Variants in CELSR1 observed in about 807,000 individuals in gnomAD.
CELSR1 encodes adhesion G protein-coupled receptor C1.
CELSR1 carries 110 observed loss-of-function variants against 249.1 expected under a neutral mutation model. That is an observed-to-expected ratio of 0.44 (90% CI 0.38 to 0.52). The LOEUF (loss-of-function observed/expected upper bound fraction) is 0.52, where lower values mean the gene tolerates loss of function less well. Among genes scored for constraint, CELSR1 ranks in the 20% least tolerant of loss-of-function variants. CELSR1 has a pLI of 0.00. For synonymous variants in CELSR1, 2,113 were observed against 1,900.0 expected, an observed-to-expected ratio of 1.11 and a Z score of -2.92; for missense variants, 4,109 against 4,296.4, an observed-to-expected ratio of 0.96 and a Z score of 1.22.
intron 1 of CELSR1, among the ~76,000 whole-genome samples, chr22:46,496,144 A>G (rs2080411223): frequency 6.6e-6 from 1 of 151,980 alleles, no homozygotes. Context: ...CAGTGAGCCA[A>G]GATGGCACCA....
chr22:46,463,652 C>T lies in CELSR1; in HGVS notation c.4183+55G>A, dbSNP rs552505840. On this transcript the variant is annotated intron_variant, in intron 2 of 34. Transcript: ENST00000674500. ...AACAGAGGAAACCACCTGAGACCCT[C>T]GGCCATGTGACCTGGGGACATGTAC... 4,547 of 1,449,384 alleles carry T rather than the reference C, an allele frequency of 3.1e-3. 13 individuals carry two copies. The highest frequency in any genetic ancestry group is 3.3e-3 in the Non-Finnish European group (3,589 of 1,099,806). The allele number at this position is 1,449,384 out of a possible 1,614,324, so 89.8% of individuals were successfully genotyped here. A position where few individuals can be genotyped will look rare whatever the true frequency, so the allele number is the denominator to read the frequency against.
intron 1 of CELSR1, among the ~76,000 whole-genome samples, chr22:46,532,380 T>C (rs936131237): frequency 6.6e-6 from 1 of 152,236 alleles, no homozygotes; most frequent in Non-Finnish European, 1.5e-5. Context: ...ACAAATAGAC[T>C]GTACTGCCAA....
At chr22:46,504,675 T>G (rs985755016) in intron 1 of CELSR1, among the ~76,000 whole-genome samples, 3 of 152,154 alleles carry the variant, frequency 2.0e-5, no homozygotes, top group Non-Finnish European at 2.9e-5. Context: ...ATATGGCAGA[T>G]TTCATCTTCA....
chr22:46,479,133 C>A (rs9627473), intron 1 of CELSR1, among the ~76,000 whole-genome samples: 4,424 of 151,738 alleles, frequency 0.029, 202 homozygotes, highest in African/African-American at 0.1. Context: ...CTTCTCCTTG[C>A]CCGGAGTCTC....
intron 5 of CELSR1, among the ~76,000 whole-genome samples, chr22:46,419,081 A>G (rs1361301898): frequency 7.9e-5 from 12 of 152,020 alleles, no homozygotes; most frequent in Non-Finnish European, 2.9e-5. Flanking sequence ...ACTGAGCCAG[A>G]CCCTGGACCA....
In CELSR1 at chr22:46,440,869, C is replaced by T. The variant is rs1258991572; in HGVS notation, c.4184-1458G>A. Among the ~76,000 whole-genome samples the T allele has an allele frequency of 6.6e-6, 1 of 152,130 alleles. No individual in the cohort carries two copies. Among genetic ancestry groups the T allele is most frequent in the Non-Finnish European group, 1.5e-5 (1 of 68,038 alleles). On this transcript the variant is annotated intron_variant, in intron 2 of 34. Transcript: ENST00000674500. The surrounding 1 kb of genome is among the most constrained non-coding windows in gnomAD (Gnocchi z 4.7). The stretch of plus-strand genomic sequence containing the variant: ...ATCTTGGGTTGTTAAAAGACTGCCA[C>T]AGGCCAGACGCAATGGCTCACACCT...
At position 46,397,707 on chromosome 22, in the gene CELSR1, C is replaced by T. The variant is rs371696308; in HGVS notation, c.5668G>A (p.Ala1890Thr). The T allele has an allele frequency of 2.7e-5, 43 of 1,569,886 alleles. No individual in the cohort carries two copies. In the Middle Eastern group the frequency reaches 5.1e-4, roughly 18 times the overall value. Residue 1890 changes from alanine (A) to threonine (T), a missense_variant, in exon 12 of 35, where the codon GCC becomes ACC. Ala to Thr is a moderately conservative substitution (Grantham distance 58). This residue lies in a region of CELSR1 where 1,805 missense variants were observed against 1,831.6 expected (regional missense o/e 0.99). Transcript: ENST00000674500. Reference sequence around the variant, plus strand: ...CAGACGCAGCTGTAGTCCTCCCAGGCGTCGTGGCAGCGGCTATTGGGGGGA... The same window carrying T: ...CAGACGCAGCTGTAGTCCTCCCAGGTGTCGTGGCAGCGGCTATTGGGGGGA... ...PCPPNSRCHD[A>T]WEDYSCVCDK...
intron 1 of CELSR1, among the ~76,000 whole-genome samples, chr22:46,509,196 G>A (rs1325268402): frequency 6.6e-6 from 1 of 152,158 alleles, no homozygotes; most frequent in Non-Finnish European, 1.5e-5. Context: ...CCCCAAGATG[G>A]CCAGGTTCAC....
chr22:46,496,052 G>C (rs976065924), intron 1 of CELSR1, among the ~76,000 whole-genome samples: 1 of 151,178 alleles, frequency 6.6e-6, no homozygotes, highest in East Asian at 2.0e-4. Context: ...AAATTAGCTG[G>C]ACATGGTGGT....
In CELSR1 at chr22:46,413,392, T is replaced by C. The variant is rs1308143801; in HGVS notation, c.4612-1633A>G. Among the ~76,000 whole-genome samples, 1 of 152,200 alleles carries C rather than the reference T, an allele frequency of 6.6e-6. No homozygotes were observed. Among genetic ancestry groups the C allele is most frequent in the Non-Finnish European group, 1.5e-5 (1 of 68,028 alleles). ...GCAGTGGGCAGCCTGCACAACTGTA[T>C]GTGGCCACCCCAGCTGAGGCTTCTC... On this transcript the variant is annotated intron_variant, in intron 5 of 34. Coordinates refer to ENST00000674500, the MANE Select transcript of CELSR1 (RefSeq NM_001378328.1). The surrounding 1 kb of genome is among the most constrained non-coding windows in gnomAD (Gnocchi z 4.7).
chr22:46,382,771 T>C (rs2078992948), intron 20 of CELSR1, among the ~76,000 whole-genome samples: 1 of 152,140 alleles, frequency 6.6e-6, no homozygotes, highest in African/African-American at 2.4e-5. Flanking sequence ...CTAGCGGACA[T>C]TAGGCTCGGT....
chr22:46,498,041 G>C (rs1359846295), intron 1 of CELSR1, among the ~76,000 whole-genome samples: 2 of 151,596 alleles, frequency 1.3e-5, no homozygotes, highest in African/African-American at 2.4e-5. Context: ...CTGAGGTCGG[G>C]AGTTGGAGAC....
At position 46,391,325 on chromosome 22, in the gene CELSR1, C is replaced by T. The variant is rs368094781; in HGVS notation, c.6149-38G>A. 2.1e-4 allele frequency: 337 copies of T among 1,572,782 alleles called. 1 individual carries two copies. The highest frequency in any genetic ancestry group is 3.3e-4 in the Middle Eastern group (2 of 5,996). ...AGAGAGAAGTCTGCTCAGCGGGGCA[C>T]GCCACACCCACGACCACAAACAGGC... On this transcript the variant is annotated intron_variant, in intron 15 of 34. Transcript: ENST00000674500. The surrounding 1 kb of genome is among the most constrained non-coding windows in gnomAD (Gnocchi z 4.3).
In CELSR1 at chr22:46,412,797, A is replaced by G. The variant is rs776055470; in HGVS notation, c.4612-1038T>C. Reference sequence around the variant, plus strand: ...GTGGGTCTCAAAGTTCCAGAAACACAGTTGGTGCCAGCTCCAACCGGGACA... The same window carrying G: ...GTGGGTCTCAAAGTTCCAGAAACACGGTTGGTGCCAGCTCCAACCGGGACA... On this transcript the variant is annotated intron_variant, in intron 5 of 34. Transcript: ENST00000674500. The surrounding 1 kb of genome is among the most constrained non-coding windows in gnomAD (Gnocchi z 4.5). Among the ~76,000 whole-genome samples the G allele has an allele frequency of 6.6e-6, 1 of 152,200 alleles. No homozygotes were observed. The highest frequency in any genetic ancestry group is 2.4e-5 in the African/African-American group (1 of 41,440).
Position 46,534,284 on chromosome 22 carries a change from C to G in CELSR1, c.2887G>C (p.Val963Leu). Residue 963 changes from valine to leucine, a missense_variant, in exon 1 of 35, where the codon GTG (valine) becomes CTG (leucine). Coordinates refer to ENST00000674500, the MANE Select transcript of CELSR1 (RefSeq NM_001378328.1). The surrounding 1 kb of genome is among the most constrained non-coding windows in gnomAD (Gnocchi z 9.7). ...ACAGCCAGAGCCCAAAGGTTGTACA[C>G]GGCCACATTCTCCCGGTCCAGCCGG... ...QRRLDRENVA[V>L]YNLWALAVDR... 3 of 1,613,270 alleles carry G rather than the reference C, an allele frequency of 1.9e-6. No homozygotes were observed. Among genetic ancestry groups the G allele is most frequent in the East Asian group, 4.5e-5 (2 of 44,878 alleles).
intron 2 of CELSR1, among the ~76,000 whole-genome samples, chr22:46,456,356 T>G (rs544097466): frequency 2.2e-4 from 34 of 152,126 alleles, no homozygotes; most frequent in African/African-American, 7.2e-4. Flanking sequence ...AGCCCATGAC[T>G]CTGATAAGAG....
At chr22:46,456,851 C>T (rs1402704968) in intron 2 of CELSR1, among the ~76,000 whole-genome samples, 1 of 145,446 alleles carries the variant, frequency 6.9e-6, no homozygotes, top group African/African-American at 2.6e-5. Flanking sequence ...TTGTCCTTGG[C>T]CCCAGGAGGC....
rs1464422328 is a variant in CELSR1, at chr22:46,534,945, G to A, written c.2226C>T (p.Gly742=). 1 of 1,612,360 alleles carries A rather than the reference G, an allele frequency of 6.2e-7. No individual in the cohort carries two copies. Among genetic ancestry groups the A allele is most frequent in the Admixed American group, 1.7e-5 (1 of 60,026 alleles). The part of the protein sequence containing the change: ...RFALSSQRGG[G]LITLALPLDY... ...CCAGAGGTAGCGCCAGGGTGATGAG[G>A]CCGCCCCCTCTCTGGCTGCTGAGTG... Residue 742 remains glycine, a synonymous_variant, in exon 1 of 35, where the codon GGC becomes GGT. Transcript: ENST00000674500. This position sits in a 1 kb window ranked among gnomAD's most constrained non-coding sequence, Gnocchi z 9.7.
rs2147498381 is a variant in CELSR1 at position 46,445,811 on chromosome 22, G to GT, written c.4184-6401dup. On this transcript the variant is annotated intron_variant, in intron 2 of 34. Transcript: ENST00000674500. This position sits in a 1 kb window ranked among gnomAD's most constrained non-coding sequence, Gnocchi z 4.4. ...GGTGGAAGCGTCCAGGACTCCCCGGGTGCTGTTCTCCCTGCTTGCAGGAGA... is the reference window on the plus strand; with the variant it reads ...GGTGGAAGCGTCCAGGACTCCCCGGGTTGCTGTTCTCCCTGCTTGCAGGAGA... Among the ~76,000 whole-genome samples, 1 of 152,300 alleles carries GT rather than the reference G, an allele frequency of 6.6e-6. No individual in the cohort carries two copies. The highest frequency in any genetic ancestry group is 1.5e-5 in the Non-Finnish European group (1 of 68,032).
Sources: gnomAD v4.1 joint callset for allele counts (sites outside exome capture counted in the v4.1 genomes callset) on GRCh38, gnomAD v4.1.1 for gene constraint, gnomAD v4.1.1 regional missense constraint, Gnocchi (gnomAD v3.1) non-coding constraint, MANE v1.5 for transcripts, NCBI Gene and HGNC (gene_info 2026-07-23, HGNC 2026-07-21) for gene names.